The following ATL3 variants were observed in gnomAD, a reference collection of about 807,000 sequenced individuals.
ATL3 encodes atlastin-3.
In ATL3, 49 loss-of-function variants were observed where a neutral mutation model predicts 69.5. The ratio of observed to expected loss-of-function variants is 0.71; its 90% CI spans 0.56 to 0.89. ATL3 has a LOEUF of 0.89. Ranked by LOEUF, ATL3 falls within the 40% of genes least tolerant of loss-of-function variation. The probability of loss-of-function intolerance (pLI) is 0.00; values close to 1 mark genes in which losing one functional copy is unlikely to be tolerated. For synonymous variants in ATL3, 214 were observed against 224.1 expected, an observed-to-expected ratio of 0.95 and a Z score of 0.40; for missense variants, 606 against 645.7, an observed-to-expected ratio of 0.94 and a Z score of 0.67.
At position 63,625,115 on chromosome 11, in the gene ATL3, T is replaced by TA. The variant is rs1939062321; in HGVS notation, c.*4203dup. ...CCCTAAACATAGCTACAACAGGACT[T>TA]ACAGCAAGAAAAACCATTTGACTGC... On this transcript the variant is annotated 3_prime_UTR_variant, in exon 13 of 13. Coordinates refer to ENST00000398868, the MANE Select transcript of ATL3 (RefSeq NM_015459.5). The TA allele has an allele frequency of 1.3e-5, 2 of 152,210 alleles. No individual in the cohort carries two copies. Among genetic ancestry groups the TA allele is most frequent in the Non-Finnish European group, 2.9e-5 (2 of 68,030 alleles). 9.4% of individuals were successfully genotyped at this position (152,210 alleles called of 1,614,324 possible).
rs574265251 is a variant in ATL3 at position 63,629,514 on chromosome 11, G to A, written c.1540-109C>T. ...CTGTCTCCATCATCGGCATGTTACA[G>A]AAAGCAGTTGAATGAAAATGCAGGG... is the stretch of plus-strand genomic sequence containing the variant. On this transcript the variant is annotated intron_variant, in intron 12 of 12. Transcript: ENST00000398868. 7.6e-4 allele frequency: 682 copies of A among 902,926 alleles called. 2 individuals are homozygous for A. In the African/African-American group the frequency reaches 0.01, roughly 13 times the overall value. The allele number at this position is 902,926 out of a possible 1,614,324, so 55.9% of individuals were successfully genotyped here.
chr11:63,657,202 A>T (rs932398301), intron 3 of ATL3, among the ~76,000 whole-genome samples: 1 of 139,722 alleles, frequency 7.2e-6, no homozygotes, highest in South Asian at 2.4e-4. Flanking sequence ...GAGTGAGACT[A>T]CATCTCAAAA....
At chr11:63,652,612 C>G in intron 3 of ATL3, 37 bp from the exon 4 acceptor site, 1 of 1,473,878 alleles carries the variant, frequency 6.8e-7, no homozygotes, top group Non-Finnish European at 9.4e-7. Flanking sequence ...AGAGATTAAA[C>G]TAAGAAGGAG....
At chr11:63,671,197 G>A (rs1940761811) in intron 1 of ATL3, 93 bp downstream of exon 1, 4 of 1,456,984 alleles carry the variant, frequency 2.7e-6, no homozygotes, top group Non-Finnish European at 3.6e-6. Context: ...GACGAGGAAG[G>A]GCGGCGGCGC....
chr11:63,671,215 G>A, intron 1 of ATL3, 75 bp downstream of exon 1: 1 of 1,477,560 alleles, frequency 6.8e-7, no homozygotes, highest in South Asian at 1.3e-5. Context: ...CGCGGGCGGG[G>A]GTTCTTTTCA....
rs1241338011 is a variant in ATL3 at position 63,646,570 on chromosome 11, A to T, written c.562-7T>A. Reference sequence around the variant, plus strand: ...GACCGTATTCTGTGAAGAGCTTTAAAAAAGAAGCATTATGGTTTGTAAAGC... The same window carrying T: ...GACCGTATTCTGTGAAGAGCTTTAATAAAGAAGCATTATGGTTTGTAAAGC... On this transcript the variant is annotated splice_polypyrimidine_tract_variant and splice_region_variant and intron_variant, in intron 5 of 12. Transcript: ENST00000398868. The T allele has an allele frequency of 1.5e-5, 24 of 1,596,268 alleles. No homozygotes were observed. The highest frequency in any genetic ancestry group is 2.0e-5 in the Non-Finnish European group (24 of 1,172,638).
chr11:63,661,149 G>C (rs934702783), intron 1 of ATL3, among the ~76,000 whole-genome samples: 2 of 151,560 alleles, frequency 1.3e-5, no homozygotes, highest in Non-Finnish European at 2.9e-5. Context: ...CTTGAACCGG[G>C]AGGCAGAAGC....
chr11:63,632,885 C>A, intron 11 of ATL3, 141 bp downstream of exon 11: 1 of 798,936 alleles, frequency 1.3e-6, no homozygotes, highest in Non-Finnish European at 2.0e-6. Flanking sequence ...ATTAGAAGGC[C>A]CCCGTTACCA....
chr11:63,664,691 T>C (rs1940523191), intron 1 of ATL3, among the ~76,000 whole-genome samples: 1 of 150,244 alleles, frequency 6.7e-6, no homozygotes, highest in Admixed American at 6.6e-5. Flanking sequence ...GGCGCGATCT[T>C]GGCTCAGCGC....
rs989999960 is a variant in ATL3 at position 63,626,974 on chromosome 11, T to C, written c.*2345A>G. 3.9e-5 allele frequency: 6 copies of C among 152,036 alleles called. No individual in the cohort carries two copies. The highest frequency in any genetic ancestry group is 2.9e-5 in the Non-Finnish European group (2 of 68,006). The allele number at this position is 152,036 out of a possible 1,614,324, so 9.4% of individuals were successfully genotyped here. ...AAAAAATGGTGAAGAGGACTTCCTC[T>C]GGATAATTAAACCAAGGTCTCTTTA... On this transcript the variant is annotated 3_prime_UTR_variant, in exon 13 of 13. Coordinates refer to ENST00000398868, the MANE Select transcript of ATL3 (RefSeq NM_015459.5).
At chr11:63,665,835 A>C (rs555141260) in intron 1 of ATL3, among the ~76,000 whole-genome samples, 12 of 151,962 alleles carry the variant, frequency 7.9e-5, no homozygotes, top group Admixed American at 1.3e-4. Context: ...CCACTGCACT[A>C]CAATCAGGAC....
At chr11:63,632,957 TG>T in intron 11 of ATL3, 68 bp downstream of exon 11, 1 of 1,404,188 alleles carries the variant, frequency 7.1e-7, no homozygotes, top group South Asian at 1.2e-5. Flanking sequence ...AGGATCAAGT[TG>T]GGCTTTTGAA....
At position 63,631,057 on chromosome 11, in the gene ATL3, C is replaced by T. The variant is rs183951324; in HGVS notation, c.1522G>A (p.Ala508Thr). ...ELGGAIDFGAAYVLEQASSHI... is the reference protein window; with the variant it reads ...ELGGAIDFGATYVLEQASSHI... ...CCACTTACCTGCTCCAACACATATG[C>T]GGCACCAAAATCAATAGCTCCGCCC... Residue 508 changes from alanine (A) to threonine (T), a missense_variant, in exon 12 of 13, where the codon GCA becomes ACA. Transcript: ENST00000398868. 67 of 1,611,368 alleles carry T rather than the reference C, an allele frequency of 4.2e-5. No individual in the cohort carries two copies. The Admixed American group carries it at 5.2e-4, about 12-fold the overall frequency.
In ATL3 at chr11:63,639,858, CTA is replaced by C. The variant is rs1468490405; in HGVS notation, c.850+3497_850+3498del. Among the ~76,000 whole-genome samples, 8 of 152,178 alleles carry C rather than the reference CTA, an allele frequency of 5.3e-5. No homozygotes were observed. In the East Asian group the frequency reaches 1.3e-3, roughly 26 times the overall value. ...GGATCATACCACATATGCTACTCCA[CTA>C]TCTTTCTGCATTTAATAATATATCA... On this transcript the variant is annotated intron_variant, in intron 8 of 12. Transcript: ENST00000398868.
At chr11:63,662,448 A>G in intron 1 of ATL3, among the ~76,000 whole-genome samples, 1 of 152,204 alleles carries the variant, frequency 6.6e-6, no homozygotes, top group African/African-American at 2.4e-5. Context: ...GTATTTTGAT[A>G]AATTATTCTT....
chr11:63,643,245 C>T (rs767528037), intron 8 of ATL3, 112 bp downstream of exon 8: 13 of 1,188,738 alleles, frequency 1.1e-5, no homozygotes, highest in Non-Finnish European at 1.4e-5. Flanking sequence ...AAATACTACT[C>T]TTTCTAAGAG....
At chr11:63,629,939 T>G (rs1278819722) in intron 12 of ATL3, among the ~76,000 whole-genome samples, 1 of 152,154 alleles carries the variant, frequency 6.6e-6, no homozygotes, top group Non-Finnish European at 1.5e-5. Flanking sequence ...GCCACTGGCT[T>G]TTGGAAGATT....
intron 5 of ATL3, among the ~76,000 whole-genome samples, chr11:63,651,030 C>T (rs1940059733): frequency 6.6e-6 from 1 of 152,220 alleles, no homozygotes; most frequent in Admixed American, 6.5e-5. Flanking sequence ...TACTCACTCA[C>T]ATTCTGATGC....
chr11:63,650,455 A>C (rs1193676488), intron 5 of ATL3: 1 of 152,080 alleles, frequency 6.6e-6, no homozygotes, highest in Non-Finnish European at 1.5e-5. Flanking sequence ...TGTAATGGAG[A>C]CCTTAATTAT....
Sources: gnomAD v4.1 joint callset for allele counts (sites outside exome capture counted in the v4.1 genomes callset) on GRCh38, gnomAD v4.1.1 for gene constraint, MANE v1.5 for transcripts, NCBI Gene and HGNC (gene_info 2026-07-23, HGNC 2026-07-21) for gene names.